Variants in AIMP1 observed in about 807,000 individuals in gnomAD.
AIMP1 encodes aminoacyl tRNA synthetase complex interacting multifunctional protein 1.
In AIMP1, 24 loss-of-function variants were observed where a neutral mutation model predicts 33.1. The ratio of observed to expected loss-of-function variants is 0.73; its 90% CI spans 0.53 to 1.02. The LOEUF (loss-of-function observed/expected upper bound fraction) is 1.02, where lower values mean the gene tolerates loss of function less well. Ranked by LOEUF, AIMP1 falls within the 50% of genes least tolerant of loss-of-function variation. The probability of loss-of-function intolerance (pLI) is 0.00; values close to 1 mark genes in which losing one functional copy is unlikely to be tolerated. For synonymous variants in AIMP1, 120 were observed against 121.5 expected (o/e 0.99, Z 0.08); for missense variants, 367 against 364.8 (o/e 1.01, Z -0.05).
chr4:106,334,803 T>C (rs1429149575), intron 5 of AIMP1, among the ~76,000 whole-genome samples: 15 of 152,106 alleles, frequency 9.9e-5, no homozygotes, highest in African/African-American at 3.6e-4. Flanking sequence ...TCTAAGAAAA[T>C]GAAAGCAAGT....
intron 6 of AIMP1, among the ~76,000 whole-genome samples, chr4:106,340,348 T>C (rs1056087222): frequency 8.6e-5 from 13 of 152,034 alleles, no homozygotes; most frequent in African/African-American, 3.1e-4. Context: ...GCAAATTGTA[T>C]GTCCTTGAAG....
chr4:106,335,529 A>G (rs1399335470), intron 5 of AIMP1, among the ~76,000 whole-genome samples: 2 of 152,140 alleles, frequency 1.3e-5, no homozygotes, highest in African/African-American at 2.4e-5. Context: ...TAGGTGGTAC[A>G]TTTTTCTAGG....
intron 4 of AIMP1, among the ~76,000 whole-genome samples, chr4:106,330,014 C>A (rs1327727091): frequency 1.3e-5 from 2 of 152,028 alleles, no homozygotes; most frequent in African/African-American, 2.4e-5. Context: ...AACTCCTGAT[C>A]TCAGGTGATC....
chr4:106,331,377 T>A (rs969372565), intron 4 of AIMP1, among the ~76,000 whole-genome samples: 5 of 152,186 alleles, frequency 3.3e-5, no homozygotes, highest in African/African-American at 1.2e-4. Flanking sequence ...TGTCTTCCAG[T>A]AAAACTTTAT....
Position 106,348,717 on chromosome 4 carries a change from A to G in AIMP1, c.*1025A>G, listed in dbSNP as rs1170462693. 3 of 152,100 alleles carry G rather than the reference A, an allele frequency of 2.0e-5. No individual in the cohort carries two copies. The highest frequency in any genetic ancestry group is 7.2e-5 in the African/African-American group (3 of 41,412). 9.4% of individuals were successfully genotyped at this position (152,100 alleles called of 1,614,324 possible). A position where few individuals can be genotyped will look rare whatever the true frequency, so the allele number is the denominator to read the frequency against. ...TTACTGATGATTTGGGCTTACACACATGTCAGCAAGATAGGGAGTGTGGAT... is the reference window on the plus strand; with the variant it reads ...TTACTGATGATTTGGGCTTACACACGTGTCAGCAAGATAGGGAGTGTGGAT... On this transcript the variant is annotated 3_prime_UTR_variant, in exon 7 of 7. Coordinates refer to ENST00000672341, the MANE Select transcript of AIMP1 (RefSeq NM_001142416.2).
intron 5 of AIMP1, among the ~76,000 whole-genome samples, chr4:106,335,525 G>A (rs1392296754): frequency 6.6e-6 from 1 of 152,050 alleles, no homozygotes; most frequent in South Asian, 2.1e-4. Flanking sequence ...TTTGTAGGTG[G>A]TACATTTTTC....
chr4:106,326,708 A>AAT (rs1291853367), intron 2 of AIMP1, among the ~76,000 whole-genome samples: 1 of 151,970 alleles, frequency 6.6e-6, no homozygotes, highest in Non-Finnish European at 1.5e-5. Context: ...TTTTTTTAAA[A>AAT]ATATATATAT....
intron 1 of AIMP1, among the ~76,000 whole-genome samples, chr4:106,320,920 T>C (rs1036153485): frequency 6.6e-6 from 1 of 152,096 alleles, no homozygotes; most frequent in Non-Finnish European, 1.5e-5. Context: ...CTGGTTTTTG[T>C]ATTTTTTGGT....
At chr4:106,344,834 C>T (rs1770235737) in intron 6 of AIMP1, among the ~76,000 whole-genome samples, 1 of 152,180 alleles carries the variant, frequency 6.6e-6, no homozygotes, top group Admixed American at 6.5e-5. Flanking sequence ...TTCTGAACCT[C>T]AGCTTTTTCA....
chr4:106,340,776 A>T lies in AIMP1; in HGVS notation c.772+3739A>T, dbSNP rs1579644851. Among the ~76,000 whole-genome samples the T allele has an allele frequency of 2.6e-5, 4 of 152,246 alleles. No individual in the cohort carries two copies. In the East Asian group the frequency reaches 7.7e-4, roughly 29 times the overall value. On this transcript the variant is annotated intron_variant, in intron 6 of 6. Transcript: ENST00000672341. Reference sequence around the variant, plus strand: ...ACAAGTGTATTTGTCTTTTTGGTAGAATATTCTATTTTTCTTTGAGTATAT... The same window carrying T: ...ACAAGTGTATTTGTCTTTTTGGTAGTATATTCTATTTTTCTTTGAGTATAT...
intron 3 of AIMP1, 129 bp downstream of exon 3, chr4:106,327,693 G>T: frequency 1.5e-6 from 1 of 666,480 alleles, no homozygotes; most frequent in Non-Finnish European, 2.6e-6. Context: ...AAATGACTCA[G>T]ATTTATCAAT....
chr4:106,343,516 CTTTT>C (rs945760936), intron 6 of AIMP1, among the ~76,000 whole-genome samples: 32 of 151,426 alleles, frequency 2.1e-4, no homozygotes, highest in African/African-American at 7.0e-4. Flanking sequence ...AGGGGATTTT[CTTTT>C]TTTTTACAAG....
At chr4:106,341,033 G>C (rs1770079017) in intron 6 of AIMP1, among the ~76,000 whole-genome samples, 1 of 152,018 alleles carries the variant, frequency 6.6e-6, no homozygotes, top group South Asian at 2.1e-4. Context: ...TTTGATATTT[G>C]TTGGCGACAT....
intron 4 of AIMP1, among the ~76,000 whole-genome samples, chr4:106,331,233 G>A (rs79441946): frequency 0.027 from 4,105 of 152,222 alleles, 179 homozygotes; most frequent in African/African-American, 0.094. Flanking sequence ...CATAGTAAAA[G>A]TTTTTAGAGG....
At chr4:106,323,539 C>T (rs543131518) in intron 1 of AIMP1, among the ~76,000 whole-genome samples, 1 of 149,926 alleles carries the variant, frequency 6.7e-6, no homozygotes, top group East Asian at 2.0e-4. Flanking sequence ...GTTACTTAAA[C>T]GTTTGCAAAG....
At chr4:106,337,438 C>T (rs1769927233) in intron 6 of AIMP1, among the ~76,000 whole-genome samples, 1 of 152,128 alleles carries the variant, frequency 6.6e-6, no homozygotes, top group Non-Finnish European at 1.5e-5. Flanking sequence ...TATAAAAGGG[C>T]AGTTCCCCTA....
intron 4 of AIMP1, among the ~76,000 whole-genome samples, chr4:106,330,863 A>G (rs1203106507): frequency 6.6e-6 from 1 of 152,226 alleles, no homozygotes; most frequent in African/African-American, 2.4e-5. Context: ...AGAAAAGCTA[A>G]TTGTAAACTT....
chr4:106,326,619 T>C (rs1269738330), intron 2 of AIMP1, among the ~76,000 whole-genome samples: 1 of 152,214 alleles, frequency 6.6e-6, no homozygotes, highest in African/African-American at 2.4e-5. Flanking sequence ...ACTTTAGCAA[T>C]ATTCAGCTTC....
intron 2 of AIMP1, among the ~76,000 whole-genome samples, chr4:106,326,080 A>T (rs2125921322): frequency 6.6e-6 from 1 of 152,254 alleles, no homozygotes; most frequent in East Asian, 1.9e-4. Context: ...CTCAGATACC[A>T]GAAGCAGATA....
Sources: gnomAD v4.1 joint callset for allele counts (sites outside exome capture counted in the v4.1 genomes callset) on GRCh38, gnomAD v4.1.1 for gene constraint, MANE v1.5 for transcripts, NCBI Gene and HGNC (gene_info 2026-07-23, HGNC 2026-07-21) for gene names.